The following SPAST variants were observed in gnomAD, a reference collection of about 807,000 sequenced individuals.
The protein encoded by SPAST is spastin.
SPAST carries 30 observed loss-of-function variants against 76.6 expected under a neutral mutation model. The observed-to-expected ratio is 0.39, with a 90% CI of 0.29 to 0.53. SPAST has a LOEUF of 0.53. SPAST is among the 20% of genes least tolerant of loss of function. The pLI is 0.68. For synonymous variants in SPAST, 305 were observed against 281.0 expected, an observed-to-expected ratio of 1.09 and a Z score of -0.86; for missense variants, 717 against 770.5, an observed-to-expected ratio of 0.93 and a Z score of 0.82.
At chr2:32,117,462 T>G (rs1310390107) in intron 7 of SPAST, among the ~76,000 whole-genome samples, 1 of 149,546 alleles carries the variant, frequency 6.7e-6, no homozygotes, top group Non-Finnish European at 1.5e-5. Flanking sequence ...ATGGGAAAGT[T>G]TTTTTTTTAA....
At chr2:32,065,473 T>A (rs1204999868) in intron 1 of SPAST, among the ~76,000 whole-genome samples, 1 of 152,202 alleles carries the variant, frequency 6.6e-6, no homozygotes, top group Non-Finnish European at 1.5e-5. Flanking sequence ...GTATTATTGG[T>A]ATCAGCATTT....
At chr2:32,112,013 T>TAGTAGTAG (rs56317694) in intron 4 of SPAST, among the ~76,000 whole-genome samples, 4 of 104,690 alleles carry the variant, frequency 3.8e-5, no homozygotes, top group African/African-American at 6.6e-5. Context: ...GTAGTAGTAG[T>TAGTAGTAG]TTTTTTTTTT....
chr2:32,067,573 G>T (rs1179320621), intron 1 of SPAST, among the ~76,000 whole-genome samples: 2 of 151,888 alleles, frequency 1.3e-5, no homozygotes, highest in African/African-American at 4.8e-5. Flanking sequence ...TCACATATAT[G>T]AATATATCTA....
At chr2:32,128,634 G>C (rs1169504775) in intron 9 of SPAST, 155 bp downstream of exon 9, 2 of 655,074 alleles carry the variant, frequency 3.1e-6, no homozygotes, top group Non-Finnish European at 5.5e-6. Context: ...CTTCAGAGTA[G>C]AAAGTTATGT....
At chr2:32,110,062 A>G (rs1033594586) in intron 4 of SPAST, among the ~76,000 whole-genome samples, 1 of 147,894 alleles carries the variant, frequency 6.8e-6, no homozygotes, top group Non-Finnish European at 1.5e-5. Context: ...ATACAGTTAT[A>G]TATGTATTTG....
rs1306928066 is a variant in SPAST at position 32,156,365 on chromosome 2, T to C, written c.*1869T>C. ...AGATGCATGATTTCTTAGGATCATATGCTGTTTGTAGCCATAAGGTAAATC... is the reference window on the plus strand; with the variant it reads ...AGATGCATGATTTCTTAGGATCATACGCTGTTTGTAGCCATAAGGTAAATC... On this transcript the variant is annotated 3_prime_UTR_variant, in exon 17 of 17. Transcript: ENST00000315285. 2 of 152,214 alleles carry C rather than the reference T, an allele frequency of 1.3e-5. No individual in the cohort carries two copies. The highest frequency in any genetic ancestry group is 2.9e-5 in the Non-Finnish European group (2 of 68,034). 9.4% of individuals were successfully genotyped at this position (152,214 alleles called of 1,614,324 possible). A position where few individuals can be genotyped will look rare whatever the true frequency, so the allele number is the denominator to read the frequency against.
In SPAST at chr2:32,115,738, A is replaced by C; in HGVS notation, c.907A>C (p.Thr303Pro). ...AACAAATAGGACAAATAAACCTTCTACCCCTACAACTGCTACTCGTAAGAA... is the reference window on the plus strand; with the variant it reads ...AACAAATAGGACAAATAAACCTTCTCCCCCTACAACTGCTACTCGTAAGAA... ...PKTNRTNKPS[T>P]PTTATRKKKD... The change falls in exon 6 of 17, where the codon ACC becomes CCC. Residue 303 changes from threonine (T) to proline (P), a missense_variant. Thr to Pro is a conservative substitution (Grantham distance 38, BLOSUM62 -1). This residue lies in a region of SPAST where 543 missense variants were observed against 445.2 expected (regional missense o/e 1.22). Coordinates refer to ENST00000315285, the MANE Select transcript of SPAST (RefSeq NM_014946.4). 3 of 1,611,092 alleles carry C rather than the reference A, an allele frequency of 1.9e-6. No individual in the cohort carries two copies. The highest frequency in any genetic ancestry group is 2.5e-6 in the Non-Finnish European group (3 of 1,177,640).
intron 2 of SPAST, among the ~76,000 whole-genome samples, 176 bp downstream of exon 2, chr2:32,087,754 GA>G (rs1198390394): frequency 7.3e-6 from 1 of 136,786 alleles, no homozygotes; most frequent in East Asian, 2.2e-4. Flanking sequence ...GGAGTGCAGT[GA>G]TGTGATCATA....
intron 1 of SPAST, among the ~76,000 whole-genome samples, chr2:32,081,781 C>CAAAAAAAAAAAA (rs34078147): frequency 0.04 from 1,784 of 44,246 alleles, 172 homozygotes; most frequent in East Asian, 0.13. Context: ...GAGACACTGT[C>CAAAAAAAAAAAA]AAAAAAAAAA....
At position 32,114,815 on chromosome 2, in the gene SPAST, C is replaced by T. The variant is rs757962289; in HGVS notation, c.860C>T (p.Thr287Ile). 8 of 1,613,622 alleles carry T rather than the reference C, an allele frequency of 5.0e-6. No individual in the cohort carries two copies. The highest frequency in any genetic ancestry group is 6.8e-6 in the Non-Finnish European group (8 of 1,179,574). ...GVKQGSGPAP[T>I]THKGTPKTNR... ...AAACAGGGATCTGGTCCTGCTCCTA[C>T]CACTCATAAGGTATTCTGGGACAGT... Residue 287 changes from threonine (T) to isoleucine (I), a missense_variant, in exon 5 of 17, where the codon ACC becomes ATC. Physicochemically the swap from Thr to Ile is moderately conservative, Grantham distance 89. This residue lies in a region of SPAST where 543 missense variants were observed against 445.2 expected (regional missense o/e 1.22). Coordinates refer to ENST00000315285, the MANE Select transcript of SPAST (RefSeq NM_014946.4).
intron 4 of SPAST, among the ~76,000 whole-genome samples, chr2:32,101,656 G>C (rs1262739140): frequency 6.6e-6 from 1 of 152,152 alleles, no homozygotes; most frequent in Non-Finnish European, 1.5e-5. Context: ...TTTGTATAAG[G>C]TGTAAGGAAG....
intron 16 of SPAST, among the ~76,000 whole-genome samples, chr2:32,151,608 A>T (rs1680087157): frequency 6.6e-6 from 1 of 152,096 alleles, no homozygotes; most frequent in African/African-American, 2.4e-5. Flanking sequence ...ATATAAATTT[A>T]GGTAAGGAAA....
At chr2:32,070,013 T>A (rs1484965497) in intron 1 of SPAST, among the ~76,000 whole-genome samples, 1 of 151,628 alleles carries the variant, frequency 6.6e-6, no homozygotes, top group Non-Finnish European at 1.5e-5. Context: ...GTGTTTTATA[T>A]GGTGACTATG....
chr2:32,148,999 T>C (rs1338366791), intron 16 of SPAST, among the ~76,000 whole-genome samples: 1 of 151,846 alleles, frequency 6.6e-6, no homozygotes, highest in African/African-American at 2.4e-5. Flanking sequence ...ACATGAAACT[T>C]GTGGGGGTTT....
intron 16 of SPAST, among the ~76,000 whole-genome samples, chr2:32,150,521 T>TCTAG (rs1352567668): frequency 6.6e-6 from 1 of 152,000 alleles, no homozygotes; most frequent in Middle Eastern, 3.2e-3. Flanking sequence ...CACTGCACCC[T>TCTAG]CTAGCTCCTG....
chr2:32,080,514 T>A (rs1022099670), intron 1 of SPAST, among the ~76,000 whole-genome samples: 2 of 151,864 alleles, frequency 1.3e-5, no homozygotes, highest in African/African-American at 4.8e-5. Context: ...TGATTTGATG[T>A]AGTCTGGTTG....
rs1162817708 is a variant in SPAST at position 32,080,783 on chromosome 2, C to CTTT, written c.416-6682_416-6680dup. On this transcript the variant is annotated intron_variant, in intron 1 of 16. Coordinates refer to ENST00000315285, the MANE Select transcript of SPAST (RefSeq NM_014946.4). ...AGTTCTTGTATGGTCTGGCTCAGTT[C>CTTT]TTTTTTTTTTTTTTTTTTTTTTTTT... Among the ~76,000 whole-genome samples, 127 of 48,454 alleles carry CTTT rather than the reference C, an allele frequency of 2.6e-3. 32 individuals are homozygous for CTTT. The highest frequency in any genetic ancestry group is 4.7e-3 in the African/African-American group (58 of 12,334). 31.8% of individuals were successfully genotyped at this position (48,454 alleles called of 152,430 possible).
intron 16 of SPAST, among the ~76,000 whole-genome samples, chr2:32,149,511 T>C (rs1680006076): frequency 6.6e-6 from 1 of 152,174 alleles, no homozygotes; most frequent in Admixed American, 6.5e-5. Flanking sequence ...GTCATAACTC[T>C]GTGAGCAAAA....
intron 4 of SPAST, among the ~76,000 whole-genome samples, chr2:32,113,973 C>T (rs1481957597): frequency 6.7e-6 from 1 of 149,626 alleles, no homozygotes; most frequent in Admixed American, 6.7e-5. Flanking sequence ...GAGATGGAAT[C>T]TCTCTCTGTC....
Sources: allele counts gnomAD v4.1 joint callset (sites outside exome capture counted in the v4.1 genomes callset), GRCh38; gene constraint gnomAD v4.1.1; regional missense constraint gnomAD v4.1.1; transcripts MANE v1.5; gene names NCBI Gene and HGNC (gene_info 2026-07-23, HGNC 2026-07-21).